Variants in CDH18 observed in about 807,000 individuals in gnomAD.
CDH18 encodes the protein cadherin-18.
A neutral mutation model predicts 67.9 loss-of-function variants in CDH18; 31 were observed. That is an observed-to-expected ratio of 0.46 (90% CI 0.34 to 0.62). The LOEUF is 0.62. Ranked by LOEUF, CDH18 falls within the 20% of genes least tolerant of loss-of-function variation. The probability of loss-of-function intolerance (pLI) is 0.01; values close to 1 mark genes in which losing one functional copy is unlikely to be tolerated. For synonymous variants in CDH18, 362 were observed against 347.2 expected (o/e 1.04, Z -0.48); for missense variants, 890 against 975.5 (o/e 0.91, Z 1.17).
rs561587952 is a variant in CDH18, at chr5:20,309,415, TTGG to T, written c.-579-53913_-579-53911del. ...ATGTCCAAAGAATCAGAAAATTTAATTGGTCCTCTTGGTACTAACAACAATAAC... is the reference window on the plus strand; with the variant it reads ...ATGTCCAAAGAATCAGAAAATTTAATTCCTCTTGGTACTAACAACAATAAC... On this transcript the variant is annotated intron_variant, in intron 1 of 14. Transcript: ENST00000507958. 2.0e-4 allele frequency among the ~76,000 whole-genome samples: 30 copies of T among 152,318 alleles called. No homozygotes were observed. In the South Asian group the frequency reaches 4.1e-3, roughly 21 times the overall value.
At chr5:20,486,106 G>T (rs1171094193) in intron 1 of CDH18, among the ~76,000 whole-genome samples, 3 of 152,150 alleles carry the variant, frequency 2.0e-5, no homozygotes, top group Non-Finnish European at 2.9e-5. Context: ...CAATCCATAG[G>T]ATGTGCTGGT....
intron 1 of CDH18, among the ~76,000 whole-genome samples, chr5:20,396,937 A>C (rs1021208873): frequency 6.6e-6 from 1 of 152,152 alleles, no homozygotes; most frequent in Non-Finnish European, 1.5e-5. Context: ...AAAGTTATCC[A>C]ATATCTATGT....
intron 8 of CDH18, among the ~76,000 whole-genome samples, chr5:19,567,716 A>G (rs1354606498): frequency 6.6e-6 from 1 of 152,202 alleles, no homozygotes; most frequent in African/African-American, 2.4e-5. Context: ...AGGCAGCTTT[A>G]GCAGGATTCA....
chr5:19,634,139 T>G (rs193156885), intron 5 of CDH18, among the ~76,000 whole-genome samples: 44 of 152,324 alleles, frequency 2.9e-4, no homozygotes, highest in Non-Finnish European at 5.3e-4. Context: ...TGAAAACCTA[T>G]TTTTGTCTCA....
chr5:19,993,028 A>C (rs933405011), upstream of CDH18, among the ~76,000 whole-genome samples: 7 of 152,190 alleles, frequency 4.6e-5, no homozygotes, highest in Non-Finnish European at 1.5e-5. Flanking sequence ...CCTGCCCTGA[A>C]ACTGGCTTTT....
In CDH18 at chr5:19,612,576, G is replaced by T; in HGVS notation, c.669C>A (p.Asn223Lys). ...KTGVIRTALH[N>K]MDREAREHYS... ...AATGTTCTCTGGCTTCTCTGTCCAT[G>T]TTATGTAAGGCCGTTCTAATAACTC... The change falls in exon 6 of 13, where the codon AAC becomes AAA. Residue 223 changes from asparagine to lysine, a missense_variant. This residue lies in a region of CDH18 where 234 missense variants were observed against 307.4 expected (regional missense o/e 0.76). Coordinates refer to ENST00000382275, the MANE Select transcript of CDH18 (RefSeq NM_004934.5). 1 of 1,613,622 alleles carries T rather than the reference G, an allele frequency of 6.2e-7. No individual in the cohort carries two copies. Among genetic ancestry groups the T allele is most frequent in the Non-Finnish European group, 8.5e-7 (1 of 1,179,644 alleles).
At chr5:20,303,299 A>G (rs1736106257) in intron 1 of CDH18, among the ~76,000 whole-genome samples, 1 of 152,042 alleles carries the variant, frequency 6.6e-6, no homozygotes, top group Admixed American at 6.6e-5. Flanking sequence ...GTGCTTTTAA[A>G]CCCATTCCTG....
chr5:19,860,052 C>G (rs1784727745), intron 2 of CDH18, among the ~76,000 whole-genome samples: 1 of 145,894 alleles, frequency 6.9e-6, no homozygotes, highest in Non-Finnish European at 1.5e-5. Context: ...ATAAATGTAT[C>G]CGATTAGGCA....
chr5:20,407,938 C>T (rs1746432907), intron 1 of CDH18, among the ~76,000 whole-genome samples: 1 of 151,816 alleles, frequency 6.6e-6, no homozygotes, highest in South Asian at 2.1e-4. Context: ...TAAGATAAAA[C>T]CAAGGAAATC....
At chr5:19,660,556 T>C (rs1298016013) in intron 5 of CDH18, among the ~76,000 whole-genome samples, 5 of 152,166 alleles carry the variant, frequency 3.3e-5, no homozygotes, top group African/African-American at 1.2e-4. Context: ...TACTTGGTTG[T>C]GCTTAAATGT....
intron 1 of CDH18, among the ~76,000 whole-genome samples, chr5:20,506,011 AT>A (rs1754635313): frequency 6.6e-6 from 1 of 152,322 alleles, no homozygotes; most frequent in Admixed American, 6.5e-5. Context: ...TCAGGAGGAC[AT>A]GATGACTGAC....
At chr5:19,514,067 A>G (rs1745542365) in intron 10 of CDH18, among the ~76,000 whole-genome samples, 2 of 152,094 alleles carry the variant, frequency 1.3e-5, no homozygotes, top group African/African-American at 4.8e-5. Context: ...TCATTGTCCA[A>G]TTCCCACCTA....
In CDH18 at chr5:20,539,752, AC is replaced by A. The variant is rs1218789229; in HGVS notation, c.-580+35709del. ...CACCACTACACACACACACACACAC[AC>A]ACAAACACACACACACACACACACA... is the stretch of plus-strand genomic sequence containing the variant. On this transcript the variant is annotated intron_variant, in intron 1 of 14. Coordinates refer to the CDH18 transcript ENST00000507958. Among the ~76,000 whole-genome samples, 586 of 132,408 alleles carry A rather than the reference AC, an allele frequency of 4.4e-3. 5 individuals are homozygous for A. The highest frequency in any genetic ancestry group is 0.021 in the Admixed American group (258 of 12,558). The allele number at this position is 132,408 out of a possible 152,430, so 86.9% of individuals were successfully genotyped here. A position where few individuals can be genotyped will look rare whatever the true frequency, so the allele number is the denominator to read the frequency against.
intron 1 of CDH18, among the ~76,000 whole-genome samples, chr5:20,540,414 A>G (rs1448076563): frequency 6.6e-6 from 1 of 152,212 alleles, no homozygotes; most frequent in East Asian, 1.9e-4. Flanking sequence ...AATTATAACA[A>G]TGAAAACAAT....
At chr5:19,691,797 A>T (rs976351012) in intron 5 of CDH18, among the ~76,000 whole-genome samples, 13 of 151,908 alleles carry the variant, frequency 8.6e-5, no homozygotes, top group Admixed American at 7.2e-4. Context: ...AAATGACCAT[A>T]TTACTAAAAT....
chr5:19,901,088 G>A (rs1013717335), intron 2 of CDH18, among the ~76,000 whole-genome samples: 6 of 152,012 alleles, frequency 3.9e-5, no homozygotes, highest in Admixed American at 2.6e-4. Flanking sequence ...GATTTGGTGA[G>A]TATATCACTG....
intron 2 of CDH18, among the ~76,000 whole-genome samples, chr5:20,248,342 T>G (rs1340189118): frequency 2.0e-5 from 3 of 152,204 alleles, no homozygotes; most frequent in Non-Finnish European, 4.4e-5. Flanking sequence ...AAGTGCATAA[T>G]CACATTCTTT....
In CDH18 at chr5:20,551,127, A is replaced by G. The variant is rs569574743; in HGVS notation, c.-580+24335T>C. 1.8e-3 allele frequency among the ~76,000 whole-genome samples: 274 copies of G among 152,334 alleles called. 1 individual carries two copies. Among genetic ancestry groups the G allele is most frequent in the Non-Finnish European group, 3.1e-3 (213 of 68,026 alleles). ...TAATAAATAGATGAACGAAGGAAAC[A>G]TCAGGAGTAAATGTAAATCTCTTTC... is the stretch of plus-strand genomic sequence containing the variant. On this transcript the variant is annotated intron_variant, in intron 1 of 14. Transcript: ENST00000507958.
At chr5:20,322,776 T>C (rs1024711423) in intron 1 of CDH18, among the ~76,000 whole-genome samples, 15 of 152,130 alleles carry the variant, frequency 9.9e-5, no homozygotes, top group African/African-American at 3.6e-4. Flanking sequence ...CTAACTACTT[T>C]GGGTTTTCAT....
Sources: allele counts gnomAD v4.1 joint callset (sites outside exome capture counted in the v4.1 genomes callset), GRCh38; gene constraint gnomAD v4.1.1; regional missense constraint gnomAD v4.1.1; transcripts MANE v1.5; gene names NCBI Gene and HGNC (gene_info 2026-07-23, HGNC 2026-07-21).